The following RBM12 variants were observed in gnomAD, a reference collection of about 807,000 sequenced individuals.
RBM12 encodes RNA-binding protein 12.
A neutral mutation model predicts 37.2 loss-of-function variants in RBM12; 24 were observed. The ratio of observed to expected loss-of-function variants is 0.65; its 90% CI spans 0.47 to 0.91. The LOEUF is 0.91. RBM12 is among the 40% of genes least tolerant of loss of function. The pLI is 0.00. For synonymous variants in RBM12, 420 were observed against 425.2 expected, an observed-to-expected ratio of 0.99 and a Z score of 0.15; for missense variants, 1,061 against 1,183.2, an observed-to-expected ratio of 0.90 and a Z score of 1.52.
chr20:35,652,818 A>AGGGCCC lies in RBM12; in HGVS notation c.2504_2505insGGGCCC (p.Gly836_Pro837dup). On this transcript the variant is annotated inframe_insertion, in exon 3 of 3. Coordinates refer to ENST00000374114, the MANE Select transcript of RBM12 (RefSeq NM_006047.6). Reference sequence around the variant, plus strand: ...GGGGACCACCAATATGGATTGGGCCAGGGCCGGGGCCGGGGCCGGGGCCAG... The same window carrying AGGGCCC: ...GGGGACCACCAATATGGATTGGGCCAGGGCCCGGGCCGGGGCCGGGGCCGGGGCCAG... The AGGGCCC allele has an allele frequency of 6.2e-7, 1 of 1,602,570 alleles. No individual in the cohort carries two copies. The highest frequency in any genetic ancestry group is 8.5e-7 in the Non-Finnish European group (1 of 1,174,128).
In RBM12 at chr20:35,655,005, T is replaced by C. The variant is rs1459141023; in HGVS notation, c.318A>G (p.Gly106=). The change falls in exon 3 of 3, where the codon GGA becomes GGG. Residue 106 remains glycine (G), a synonymous_variant. Coordinates refer to ENST00000374114, the MANE Select transcript of RBM12 (RefSeq NM_006047.6). The part of the protein sequence containing the change: ...DIPPANASRS[G]PPPSSGMSSR... ...TACTCATTCCTGAGCTAGGTGGTGG[T>C]CCTGATCTACTGGCATTTGCTGGTG... 6.2e-7 allele frequency: 1 copy of C among 1,614,200 alleles called. No homozygotes were observed. Among genetic ancestry groups the C allele is most frequent in the Admixed American group, 1.7e-5 (1 of 60,026 alleles).
chr20:35,660,522 C>A (rs572136662), intron 1 of RBM12, among the ~76,000 whole-genome samples: 8 of 152,034 alleles, frequency 5.3e-5, no homozygotes, highest in Non-Finnish European at 5.9e-5. Context: ...CCTGGCCTAG[C>A]CTAACTAAGT....
chr20:35,661,534 A>T (rs2034231135), intron 1 of RBM12, among the ~76,000 whole-genome samples: 2 of 152,360 alleles, frequency 1.3e-5, no homozygotes, highest in Non-Finnish European at 2.9e-5. Context: ...AAGATCTAAA[A>T]CAAGAAGCTG....
chr20:35,657,891 T>C (rs972902165), intron 2 of RBM12, among the ~76,000 whole-genome samples: 106 of 152,010 alleles, frequency 7.0e-4, no homozygotes, highest in African/African-American at 2.4e-3. Context: ...TGAAACCCCG[T>C]CTCTACTAAA....
chr20:35,651,554 T>C lies in RBM12; in HGVS notation c.*970A>G, dbSNP rs1035762490. 1.3e-5 allele frequency: 2 copies of C among 152,234 alleles called. No individual in the cohort carries two copies. The highest frequency in any genetic ancestry group is 4.8e-5 in the African/African-American group (2 of 41,462). The allele number at this position is 152,234 out of a possible 1,614,324, so 9.4% of individuals were successfully genotyped here. ...AAAACCTAGATATAACACTTTCTTA[T>C]GAATGGGCCCCTCTTTGTTTAAAGG... On this transcript the variant is annotated 3_prime_UTR_variant, in exon 3 of 3. Coordinates refer to ENST00000374114, the MANE Select transcript of RBM12 (RefSeq NM_006047.6).
Position 35,651,547 on chromosome 20 carries a change from TTTC to T in RBM12, c.*974_*976del, listed in dbSNP as rs1485375546. 2.6e-5 allele frequency: 4 copies of T among 152,198 alleles called. No individual in the cohort carries two copies. Among genetic ancestry groups the T allele is most frequent in the African/African-American group, 9.7e-5 (4 of 41,438 alleles). 9.4% of individuals were successfully genotyped at this position (152,198 alleles called of 1,614,324 possible). A position where few individuals can be genotyped will look rare whatever the true frequency, so the allele number is the denominator to read the frequency against. ...AGTTTTAAAAACCTAGATATAACAC[TTTC>T]TTATGAATGGGCCCCTCTTTGTTTA... is the stretch of plus-strand genomic sequence containing the variant. On this transcript the variant is annotated 3_prime_UTR_variant, in exon 3 of 3. Coordinates refer to ENST00000374114, the MANE Select transcript of RBM12 (RefSeq NM_006047.6).
chr20:35,653,556 C>G lies in RBM12; in HGVS notation c.1767G>C (p.Leu589Phe). 6.2e-7 allele frequency: 1 copy of G among 1,614,194 alleles called. No homozygotes were observed. The highest frequency in any genetic ancestry group is 1.1e-5 in the South Asian group (1 of 91,066). Residue 589 changes from leucine (L) to phenylalanine (F), a missense_variant, in exon 3 of 3, where the codon TTG (leucine) becomes TTC (phenylalanine). By Grantham distance (22) the Leu-to-Phe change is conservative (BLOSUM62 0). Coordinates refer to ENST00000374114, the MANE Select transcript of RBM12 (RefSeq NM_006047.6). ...DNNGQGLGQA[L>F]VQFKNEDDAR... is the part of the protein sequence containing the mutation. Reference sequence around the variant, plus strand: ...CATCATCTTCATTTTTAAACTGAACCAATGCCTGTCCTAGACCTTGCCCAT... The same window carrying G: ...CATCATCTTCATTTTTAAACTGAACGAATGCCTGTCCTAGACCTTGCCCAT...
At chr20:35,659,138 C>CAAAAAAAAAAAAAAAAAA (rs370328377) in intron 1 of RBM12, 124 bp from the exon 2 acceptor site, 1 of 253,600 alleles carries the variant, frequency 3.9e-6, no homozygotes, top group Non-Finnish European at 6.9e-6. Flanking sequence ...GAATGCATAT[C>CAAAAAAAAAAAAAAAAAA]AAAAAAAAAA....
rs1322360696 is a variant in RBM12 at position 35,654,730 on chromosome 20, G to A, written c.593C>T (p.Ser198Phe). 6.2e-7 allele frequency: 1 copy of A among 1,613,552 alleles called. No homozygotes were observed. Among genetic ancestry groups the A allele is most frequent in the Non-Finnish European group, 8.5e-7 (1 of 1,179,562 alleles). The change falls in exon 3 of 3, where the codon TCT becomes TTT. Residue 198 changes from serine (S) to phenylalanine (F), a missense_variant. By Grantham distance (155) the Ser-to-Phe change is radical (BLOSUM62 -2). Coordinates refer to ENST00000374114, the MANE Select transcript of RBM12 (RefSeq NM_006047.6). ...PPIPPIPAMP[S>F]LPPMPSIPPI... ...GGGAATGGATGGCATTGGTGGCAGA[G>A]ATGGCATCGCTGGAATTGGAGGAAT...
At position 35,653,483 on chromosome 20, in the gene RBM12, C is replaced by T. The variant is rs2033686698; in HGVS notation, c.1840G>A (p.Ala614Thr). ...LHRKKLNGRE[A>T]FVHVVTLEDM... ...TCTAGGGTAACTACATGAACAAAAG[C>T]TTCTCTCCCATTAAGTTTTTTACGG... Residue 614 changes from alanine (A) to threonine (T), a missense_variant, in exon 3 of 3, where the codon GCT (alanine) becomes ACT (threonine). Physicochemically the swap from Ala to Thr is moderately conservative, Grantham distance 58. Around this residue, in one of 3 missense-constraint regions of RBM12, gnomAD observed 517 missense variants for 534.0 expected, o/e 0.97. Transcript: ENST00000374114. 3.1e-6 allele frequency: 5 copies of T among 1,614,094 alleles called. No homozygotes were observed. Among genetic ancestry groups the T allele is most frequent in the Non-Finnish European group, 4.2e-6 (5 of 1,180,048 alleles).
At position 35,654,113 on chromosome 20, in the gene RBM12, G is replaced by C; in HGVS notation, c.1210C>G (p.Pro404Ala). Residue 404 changes from proline (P) to alanine (A), a missense_variant, in exon 3 of 3, where the codon CCT (proline) becomes GCT (alanine). Physicochemically the swap from Pro to Ala is conservative, Grantham distance 27. Around this residue, in one of 3 missense-constraint regions of RBM12, gnomAD observed 540 missense variants for 632.7 expected, o/e 0.85. Coordinates refer to ENST00000374114, the MANE Select transcript of RBM12 (RefSeq NM_006047.6). ...TTTGACCTGGGAAGTGTCTGAGGAG[G>C]GGGATGAGTTTGTCCAGAAGGTCCC... Reference protein sequence around the residue: ...NMGPSGQTHPPPQTLPRSKSP... With the variant: ...NMGPSGQTHPAPQTLPRSKSP... The C allele has an allele frequency of 6.2e-7, 1 of 1,614,198 alleles. No homozygotes were observed. The highest frequency in any genetic ancestry group is 8.5e-7 in the Non-Finnish European group (1 of 1,180,038).
Position 35,652,303 on chromosome 20 carries a change from T to C in RBM12, c.*221A>G. The C allele has an allele frequency of 2.0e-6, 1 of 496,368 alleles. No individual in the cohort carries two copies. The highest frequency in any genetic ancestry group is 3.5e-6 in the Non-Finnish European group (1 of 284,462). The allele number at this position is 496,368 out of a possible 1,614,324, so 30.7% of individuals were successfully genotyped here. A position where few individuals can be genotyped will look rare whatever the true frequency, so the allele number is the denominator to read the frequency against. Reference sequence around the variant, plus strand: ...TTCTCTAATGGTATGCCAAAATCATTTATGTGTTCTCTCCAGATAGCTTTA... The same window carrying C: ...TTCTCTAATGGTATGCCAAAATCATCTATGTGTTCTCTCCAGATAGCTTTA... On this transcript the variant is annotated 3_prime_UTR_variant, in exon 3 of 3. Coordinates refer to ENST00000374114, the MANE Select transcript of RBM12 (RefSeq NM_006047.6).
At position 35,654,471 on chromosome 20, in the gene RBM12, G is replaced by A; in HGVS notation, c.852C>T (p.Asn284=). The change falls in exon 3 of 3, where the codon AAC becomes AAT. Residue 284 remains asparagine (N), a synonymous_variant. Transcript: ENST00000374114. ...PMFLGPLNPV[N]PIQMNSQSSV... ...TGCTCTGAGAGTTCATCTGGATAGG[G>A]TTAACAGGATTCAACGGACCAAGAA... The A allele has an allele frequency of 1.9e-6, 3 of 1,614,200 alleles. No homozygotes were observed. The highest frequency in any genetic ancestry group is 2.5e-6 in the Non-Finnish European group (3 of 1,180,038).
In RBM12 at chr20:35,652,466, C is replaced by G; in HGVS notation, c.*58G>C. On this transcript the variant is annotated 3_prime_UTR_variant, in exon 3 of 3. Coordinates refer to ENST00000374114, the MANE Select transcript of RBM12 (RefSeq NM_006047.6). ...AACCTGGAAATACTAGGAAAACAATCTGGATGCATTAATCACAGCAATATG... is the reference window on the plus strand; with the variant it reads ...AACCTGGAAATACTAGGAAAACAATGTGGATGCATTAATCACAGCAATATG... 2 of 1,523,676 alleles carry G rather than the reference C, an allele frequency of 1.3e-6. No individual in the cohort carries two copies. The highest frequency in any genetic ancestry group is 1.4e-5 in the African/African-American group (1 of 71,784). 94.4% of individuals were successfully genotyped at this position (1,523,676 alleles called of 1,614,324 possible).
rs542564329 is a variant in RBM12, at chr20:35,653,662, C to T, written c.1661G>A (p.Ser554Asn). 5.6e-6 allele frequency: 9 copies of T among 1,614,042 alleles called. No individual in the cohort carries two copies. In the East Asian group the frequency reaches 1.3e-4, roughly 24 times the overall value. The change falls in exon 3 of 3, where the codon AGC (serine) becomes AAC (asparagine). Residue 554 changes from serine to asparagine, a missense_variant. Transcript: ENST00000374114. ...VCAHITNIPF[S>N]ITKMDVLQFL... is the part of the protein sequence containing the mutation. ...CTGAAGAACATCCATCTTTGTAATG[C>T]TGAATGGAATATTTGTTATGTGGGC...
chr20:35,653,158 T>C lies in RBM12; in HGVS notation c.2165A>G (p.Asn722Ser). The C allele has an allele frequency of 1.2e-6, 2 of 1,613,544 alleles. No homozygotes were observed. Among genetic ancestry groups the C allele is most frequent in the Non-Finnish European group, 1.7e-6 (2 of 1,180,024 alleles). ...SKEANNGPPF[N>S]FPGNFGGSNA... ...TGATCCACCAAAATTACCAGGAAAGTTAAATGGAGGCCCATTATTGGCTTC... is the reference window on the plus strand; with the variant it reads ...TGATCCACCAAAATTACCAGGAAAGCTAAATGGAGGCCCATTATTGGCTTC... Residue 722 changes from asparagine (N) to serine (S), a missense_variant, in exon 3 of 3, where the codon AAC becomes AGC. Physicochemically the swap from Asn to Ser is conservative, Grantham distance 46. Around this residue, in one of 3 missense-constraint regions of RBM12, gnomAD observed 517 missense variants for 534.0 expected, o/e 0.97. Transcript: ENST00000374114.
At position 35,650,065 on chromosome 20, in the gene RBM12, A is replaced by C. The variant is rs538156599; in HGVS notation, c.*2459T>G. The C allele has an allele frequency of 6.5e-6, 1 of 152,738 alleles. No homozygotes were observed. Among genetic ancestry groups the C allele is most frequent in the African/African-American group, 2.4e-5 (1 of 41,570 alleles). 9.5% of individuals were successfully genotyped at this position (152,738 alleles called of 1,614,324 possible). A position where few individuals can be genotyped will look rare whatever the true frequency, so the allele number is the denominator to read the frequency against. Reference sequence around the variant, plus strand: ...ATTTTCAAGAATTTTTTAAAAACTGAAACTCCAATGCCCAGAACAAGATAA... The same window carrying C: ...ATTTTCAAGAATTTTTTAAAAACTGCAACTCCAATGCCCAGAACAAGATAA... On this transcript the variant is annotated 3_prime_UTR_variant, in exon 3 of 3. Coordinates refer to ENST00000374114, the MANE Select transcript of RBM12 (RefSeq NM_006047.6).
At chr20:35,664,385 C>T (rs1475736234) in intron 1 of RBM12, 1 of 152,258 alleles carries the variant, frequency 6.6e-6, no homozygotes, top group Non-Finnish European at 1.5e-5. Flanking sequence ...GTAGTTATAA[C>T]CTCTGCTTCA....
intron 2 of RBM12, among the ~76,000 whole-genome samples, chr20:35,658,556 C>A (rs888640842): frequency 3.9e-5 from 6 of 152,062 alleles, no homozygotes; most frequent in Non-Finnish European, 5.9e-5. Flanking sequence ...GTCAGGAGTT[C>A]AAGACCAGCC....
Sources: gnomAD v4.1 joint callset for allele counts (sites outside exome capture counted in the v4.1 genomes callset) on GRCh38, gnomAD v4.1.1 for gene constraint, gnomAD v4.1.1 regional missense constraint, MANE v1.5 for transcripts, NCBI Gene and HGNC (gene_info 2026-07-23, HGNC 2026-07-21) for gene names.